ADAM19: variants seen among roughly 807,000 people sequenced by gnomAD.
The protein encoded by ADAM19 is disintegrin and metalloproteinase domain-containing protein 19.
In ADAM19, 65 loss-of-function variants were observed where a neutral mutation model predicts 114.7. The ratio of observed to expected loss-of-function variants is 0.57; its 90% confidence interval spans 0.46 to 0.70. The LOEUF (loss-of-function observed/expected upper bound fraction) is 0.70, where lower values mean the gene tolerates loss of function less well. Among genes scored for constraint, ADAM19 ranks in the 30% least tolerant of loss-of-function variants. ADAM19 has a pLI of 0.00. For synonymous variants in ADAM19, 466 were observed against 460.5 expected, an observed-to-expected ratio of 1.01 and a Z score of -0.15; for missense variants, 1,063 against 1,204.7, an observed-to-expected ratio of 0.88 and a Z score of 1.74.
intron 3 of ADAM19, among the ~76,000 whole-genome samples, chr5:157,554,825 T>G (rs1757321614): frequency 1.3e-5 from 2 of 152,192 alleles, no homozygotes; most frequent in Non-Finnish European, 2.9e-5. Flanking sequence ...ATCACGTAGA[T>G]GAGAAAACTG....
At chr5:157,511,172 C>G (rs370299630) in intron 8 of ADAM19, among the ~76,000 whole-genome samples, 4 of 152,166 alleles carry the variant, frequency 2.6e-5, no homozygotes, top group African/African-American at 9.7e-5. Flanking sequence ...GTCCACCCTA[C>G]AAATACTGAG....
chr5:157,483,499 A>G (rs1280122762), intron 21 of ADAM19, among the ~76,000 whole-genome samples: 5 of 152,224 alleles, frequency 3.3e-5, no homozygotes, highest in Non-Finnish European at 7.3e-5. Context: ...GCTGTAGAGG[A>G]TAGTTGACAT....
chr5:157,571,328 C>A (rs1757820884), intron 1 of ADAM19, among the ~76,000 whole-genome samples: 1 of 152,114 alleles, frequency 6.6e-6, no homozygotes, highest in African/African-American at 2.4e-5. Context: ...GCATTTGAGT[C>A]CTGAGGAGCC....
At chr5:157,575,179 A>G (rs963839857) in intron 1 of ADAM19, among the ~76,000 whole-genome samples, 59 of 152,216 alleles carry the variant, frequency 3.9e-4, no homozygotes, top group African/African-American at 1.4e-3. Context: ...CTCCCAGGCC[A>G]CACGGGCAGG....
chr5:157,572,941 T>G (rs560502857), intron 1 of ADAM19, among the ~76,000 whole-genome samples: 1 of 152,224 alleles, frequency 6.6e-6, no homozygotes, highest in African/African-American at 2.4e-5. Context: ...TCCCAGCTAC[T>G]CAGGAGGCTG....
intron 21 of ADAM19, among the ~76,000 whole-genome samples, chr5:157,485,106 T>C (rs1754892920): frequency 6.6e-6 from 1 of 152,216 alleles, no homozygotes; most frequent in African/African-American, 2.4e-5. Context: ...CGGGGCGTCA[T>C]CCCCTGCCAA....
chr5:157,496,746 T>A (rs1416492356), intron 14 of ADAM19, 148 bp downstream of exon 14: 1 of 649,524 alleles, frequency 1.5e-6, no homozygotes, highest in Non-Finnish European at 2.4e-6. Flanking sequence ...TGGTTCTCCC[T>A]GAACATCTAC....
chr5:157,549,374 T>C (rs555710079), intron 3 of ADAM19, among the ~76,000 whole-genome samples: 3 of 152,338 alleles, frequency 2.0e-5, no homozygotes, highest in African/African-American at 7.2e-5. Flanking sequence ...TGAATTCAAA[T>C]ATTTGGCTAG....
chr5:157,560,578 G>C (rs1181585731), intron 3 of ADAM19, among the ~76,000 whole-genome samples: 1 of 152,198 alleles, frequency 6.6e-6, no homozygotes, highest in Non-Finnish European at 1.5e-5. Flanking sequence ...ATGACATCCA[G>C]TTGAGTTCAA....
chr5:157,519,474 G>C (rs1309862750), intron 6 of ADAM19, among the ~76,000 whole-genome samples: 1 of 152,134 alleles, frequency 6.6e-6, no homozygotes, highest in East Asian at 1.9e-4. Context: ...TAGTAGAGAT[G>C]GGGTTTCGCC....
At chr5:157,486,459 G>A (rs1754935848) in intron 21 of ADAM19, among the ~76,000 whole-genome samples, 1 of 152,080 alleles carries the variant, frequency 6.6e-6, no homozygotes, top group Non-Finnish European at 1.5e-5. Flanking sequence ...GCAGCTTCCT[G>A]CACCCGGGAC....
intron 3 of ADAM19, among the ~76,000 whole-genome samples, chr5:157,540,230 T>A (rs530259683): frequency 6.6e-6 from 1 of 152,340 alleles, no homozygotes; most frequent in South Asian, 2.1e-4. Flanking sequence ...CTCTCTAACT[T>A]TCCCCAGCCA....
Position 157,575,612 on chromosome 5 carries a change from C to T in ADAM19, c.85G>A (p.Gly29Arg). ...PLRPRAAREPGWTRGSEEGSP... is the reference protein window; with the variant it reads ...PLRPRAAREPRWTRGSEEGSP... ...GCGCCTGGCCACTTACTTGTCCATC[C>T]AGGCTCCCGCGCCGCCCGCGGCCGG... is the stretch of plus-strand genomic sequence containing the variant. The change falls in exon 1 of 23, where the codon GGA (glycine) becomes AGA (arginine). Residue 29 changes from glycine (G) to arginine (R), a missense_variant. Physicochemically the swap from Gly to Arg is moderately radical, Grantham distance 125. This residue lies in a region of ADAM19 where 615 missense variants were observed against 706.3 expected (regional missense o/e 0.87). Coordinates refer to ENST00000257527, the MANE Select transcript of ADAM19 (RefSeq NM_033274.5). The T allele has an allele frequency of 6.9e-7, 1 of 1,457,308 alleles. No individual in the cohort carries two copies. Among genetic ancestry groups the T allele is most frequent in the Non-Finnish European group, 9.0e-7 (1 of 1,111,116 alleles). The allele number at this position is 1,457,308 out of a possible 1,614,324, so 90.3% of individuals were successfully genotyped here. A position where few individuals can be genotyped will look rare whatever the true frequency, so the allele number is the denominator to read the frequency against.
chr5:157,522,912 A>C (rs2113745395), intron 5 of ADAM19, among the ~76,000 whole-genome samples: 1 of 152,336 alleles, frequency 6.6e-6, no homozygotes, highest in African/African-American at 2.4e-5. Flanking sequence ...TCCTAAGAGA[A>C]AAGATGAAGG....
At chr5:157,513,787 CT>C (rs1756006150) in intron 7 of ADAM19, among the ~76,000 whole-genome samples, 1 of 152,210 alleles carries the variant, frequency 6.6e-6, no homozygotes, top group South Asian at 2.1e-4. Flanking sequence ...TGAAGCACAT[CT>C]TATTCTCCTG....
Position 157,478,013 on chromosome 5 carries a change from G to GC in ADAM19, c.*2935dup. ...AGGCAGTTACAAGATTGAGCCAGGTGCCCAGGCTAAGGCTTCTAGAGACAG... is the reference window on the plus strand; with the variant it reads ...AGGCAGTTACAAGATTGAGCCAGGTGCCCCAGGCTAAGGCTTCTAGAGACAG... On this transcript the variant is annotated 3_prime_UTR_variant, in exon 23 of 23. Transcript: ENST00000257527. The GC allele has an allele frequency of 3.8e-6, 1 of 260,568 alleles. No individual in the cohort carries two copies. Among genetic ancestry groups the GC allele is most frequent in the East Asian group, 8.9e-5 (1 of 11,216 alleles). 16.1% of individuals were successfully genotyped at this position (260,568 alleles called of 1,614,324 possible).
intron 8 of ADAM19, among the ~76,000 whole-genome samples, chr5:157,512,547 G>T (rs1211566619): frequency 1.3e-5 from 2 of 152,150 alleles, no homozygotes; most frequent in Non-Finnish European, 2.9e-5. Flanking sequence ...AGCCTACCAA[G>T]AGGCTACTGT....
intron 3 of ADAM19, among the ~76,000 whole-genome samples, chr5:157,558,224 T>C (rs1296884226): frequency 6.6e-6 from 1 of 152,216 alleles, no homozygotes; most frequent in Non-Finnish European, 1.5e-5. Context: ...AAAGAACATG[T>C]GAAGAAAATT....
chr5:157,537,995 CA>C lies in ADAM19; in HGVS notation c.252-5del. On this transcript the variant is annotated splice_region_variant and splice_polypyrimidine_tract_variant and intron_variant, in intron 3 of 22. Coordinates refer to ENST00000257527, the MANE Select transcript of ADAM19 (RefSeq NM_033274.5). ...GTAGGAAGGAGCAAAAAGTTGCCTG[CA>C]AAAAATAAAAAGAGACATTTATATC... The C allele has an allele frequency of 1.2e-6, 2 of 1,611,894 alleles. No individual in the cohort carries two copies. Among genetic ancestry groups the C allele is most frequent in the Non-Finnish European group, 8.5e-7 (1 of 1,178,580 alleles).
Sources: allele counts gnomAD v4.1 joint callset (sites outside exome capture counted in the v4.1 genomes callset), GRCh38; gene constraint gnomAD v4.1.1; regional missense constraint gnomAD v4.1.1; transcripts MANE v1.5; gene names NCBI Gene and HGNC (gene_info 2026-07-23, HGNC 2026-07-21).